The following COL11A1 variants were observed in gnomAD, a reference collection of about 807,000 sequenced individuals.
COL11A1 encodes collagen type XI alpha 1 chain, also known as collagen alpha-1(XI) chain.
COL11A1 carries 74 observed loss-of-function variants against 265.2 expected under a neutral mutation model. The observed-to-expected ratio is 0.28, with a 90% CI of 0.23 to 0.34. COL11A1 has a LOEUF of 0.34. COL11A1 is among the 10% of genes least tolerant of loss of function. The probability of loss-of-function intolerance (pLI) is 1.00; values close to 1 mark genes in which losing one functional copy is unlikely to be tolerated. For missense variants in COL11A1, 2,165 were observed against 2,263.6 expected, an observed-to-expected ratio of 0.96 and a Z score of 0.88; for synonymous variants, 816 against 727.6, an observed-to-expected ratio of 1.12 and a Z score of -1.96.
intron 49 of COL11A1, among the ~76,000 whole-genome samples, chr1:102,917,070 C>A (rs982837676): frequency 2.0e-5 from 3 of 151,534 alleles, no homozygotes; most frequent in Non-Finnish European, 4.4e-5. Flanking sequence ...CTAAAATTCA[C>A]AGGAAACCAA....
chr1:102,923,302 A>G, intron 47 of COL11A1, 34 bp downstream of exon 47: 1 of 1,563,986 alleles, frequency 6.4e-7, no homozygotes, highest in Non-Finnish European at 8.8e-7. Flanking sequence ...TGCATATAAC[A>G]CATACCCATC....
chr1:102,985,334 A>T (rs1015904067), intron 30 of COL11A1, among the ~76,000 whole-genome samples: 1 of 152,122 alleles, frequency 6.6e-6, no homozygotes, highest in Non-Finnish European at 1.5e-5. Flanking sequence ...ATGGTTTATG[A>T]CCTTGTTAGT....
At chr1:103,073,974 G>T (rs540441970) in intron 4 of COL11A1, among the ~76,000 whole-genome samples, 1 of 151,924 alleles carries the variant, frequency 6.6e-6, no homozygotes. Context: ...ATAATGTCTC[G>T]AGAGTGCATC....
intron 50 of COL11A1, 76 bp from the exon 51 acceptor site, chr1:102,914,887 T>A: frequency 8.3e-7 from 1 of 1,203,814 alleles, no homozygotes; most frequent in Non-Finnish European, 1.2e-6. Context: ...AAAAGTTTAT[T>A]AACCTTGGCA....
At position 103,078,703 on chromosome 1, in the gene COL11A1, G is replaced by T. The variant is rs1349413659; in HGVS notation, c.443C>A (p.Pro148Gln). The T allele has an allele frequency of 6.2e-7, 1 of 1,613,420 alleles. No individual in the cohort carries two copies. Among genetic ancestry groups the T allele is most frequent in the African/African-American group, 1.3e-5 (1 of 75,000 alleles). ...LFEDHTGKPA[P>Q]EDYPLFRTVN... ...AGTTCTGAAGAGGGGATAGTCTTCTGGGGCAGGTTTTCCAGTGTGGTCTTC... is the reference window on the plus strand; with the variant it reads ...AGTTCTGAAGAGGGGATAGTCTTCTTGGGCAGGTTTTCCAGTGTGGTCTTC... The change falls in exon 3 of 67, where the codon CCA (proline) becomes CAA (glutamine). Residue 148 changes from proline (P) to glutamine (Q), a missense_variant. Pro to Gln is a moderately conservative substitution (Grantham distance 76). Transcript: ENST00000370096.
intron 4 of COL11A1, among the ~76,000 whole-genome samples, chr1:103,041,482 A>T (rs1156257511): frequency 6.6e-6 from 1 of 151,714 alleles, no homozygotes; most frequent in Non-Finnish European, 1.5e-5. Flanking sequence ...TTTTAATTTT[A>T]TATAAAGTGG....
chr1:102,924,137 T>C (rs1570743153), intron 46 of COL11A1, among the ~76,000 whole-genome samples: 1 of 151,248 alleles, frequency 6.6e-6, no homozygotes, highest in Non-Finnish European at 1.5e-5. Flanking sequence ...AGGAGAATGG[T>C]GTGAACTCCG....
intron 25 of COL11A1, 123 bp downstream of exon 25, chr1:102,998,187 G>A (rs911297392): frequency 2.4e-6 from 2 of 833,722 alleles, no homozygotes; most frequent in Non-Finnish European, 4.0e-6. Context: ...AGAGATCAAT[G>A]TTTAATTACT....
intron 64 of COL11A1, among the ~76,000 whole-genome samples, chr1:102,882,441 T>C (rs961676259): frequency 1.3e-5 from 2 of 152,160 alleles, no homozygotes; most frequent in African/African-American, 2.4e-5. Context: ...TGTTGGAAGA[T>C]GGAAGTTGTT....
intron 3 of COL11A1, among the ~76,000 whole-genome samples, chr1:103,078,317 T>C (rs776818595): frequency 5.9e-5 from 9 of 152,088 alleles, no homozygotes; most frequent in African/African-American, 9.7e-5. Flanking sequence ...CAGCATGGCA[T>C]GCACTTTACC....
chr1:103,034,451 T>C (rs1668209876), intron 4 of COL11A1, among the ~76,000 whole-genome samples: 2 of 152,122 alleles, frequency 1.3e-5, no homozygotes, highest in Admixed American at 6.6e-5. Context: ...CTTTATTTTG[T>C]CAGCTCAAAT....
At chr1:103,036,582 G>T (rs922358961) in intron 4 of COL11A1, among the ~76,000 whole-genome samples, 5 of 151,352 alleles carry the variant, frequency 3.3e-5, no homozygotes, top group Non-Finnish European at 5.9e-5. Flanking sequence ...GAAAGAAACT[G>T]GAAAAATTCA....
intron 4 of COL11A1, among the ~76,000 whole-genome samples, chr1:103,062,946 A>C (rs1228857261): frequency 2.6e-5 from 4 of 152,048 alleles, no homozygotes; most frequent in Non-Finnish European, 5.9e-5. Context: ...GAAGAATTTG[A>C]AATTTATCAC....
Position 102,946,850 on chromosome 1 carries a change from G to A in COL11A1, c.3275C>T (p.Pro1092Leu). The A allele has an allele frequency of 6.2e-7, 1 of 1,612,108 alleles. No individual in the cohort carries two copies. Among genetic ancestry groups the A allele is most frequent in the Non-Finnish European group, 8.5e-7 (1 of 1,178,702 alleles). The change falls in exon 42 of 67, where the codon CCT becomes CTT. Residue 1092 changes from proline (P) to leucine (L), a missense_variant and splice_region_variant. Coordinates refer to ENST00000370096, the MANE Select transcript of COL11A1 (RefSeq NM_001854.4). ...TATTTTCTCCTAGACATTACTTACA[G>A]GAGCACCTTTCTCTCCAGCTGGACC... ...PPGPAGEKGA[P>L]GEKGPQGPAG...
chr1:102,991,174 G>C (rs1187518275), intron 28 of COL11A1, among the ~76,000 whole-genome samples: 1 of 152,080 alleles, frequency 6.6e-6, no homozygotes, highest in Non-Finnish European at 1.5e-5. Flanking sequence ...TTGTGGAGGA[G>C]GTGGTGAGGC....
intron 4 of COL11A1, among the ~76,000 whole-genome samples, chr1:103,074,218 A>T (rs1033561737): frequency 2.0e-5 from 3 of 152,096 alleles, no homozygotes; most frequent in African/African-American, 7.2e-5. Context: ...CTTAAAAAAC[A>T]TTCACAAAGA....
chr1:103,096,741 T>C (rs1248218467), intron 1 of COL11A1, among the ~76,000 whole-genome samples: 1 of 152,000 alleles, frequency 6.6e-6, no homozygotes, highest in Non-Finnish European at 1.5e-5. Context: ...CAATAAACAA[T>C]TGGTCATCTC....
chr1:103,102,617 T>C (rs994308682), intron 1 of COL11A1, among the ~76,000 whole-genome samples: 2 of 151,930 alleles, frequency 1.3e-5, no homozygotes, highest in Admixed American at 1.3e-4. Flanking sequence ...TGATTACTTC[T>C]CCAAAAGTAA....
chr1:103,036,375 A>G (rs2102022331), intron 4 of COL11A1, among the ~76,000 whole-genome samples: 1 of 146,952 alleles, frequency 6.8e-6, no homozygotes, highest in East Asian at 2.0e-4. Flanking sequence ...ATAAATATAT[A>G]TTATATATAA....
Sources: gnomAD v4.1 joint callset for allele counts (sites outside exome capture counted in the v4.1 genomes callset) on GRCh38, gnomAD v4.1.1 for gene constraint, MANE v1.5 for transcripts, NCBI Gene and HGNC (gene_info 2026-07-23, HGNC 2026-07-21) for gene names.